Variants in SIRPD observed in about 807,000 individuals in gnomAD.
The protein encoded by SIRPD is signal regulatory protein delta.
Under a neutral mutation model 18.0 loss-of-function variants are expected in SIRPD, and 21 were observed. The ratio of observed to expected loss-of-function variants is 1.17; its 90% CI spans 0.83 to 1.68. The LOEUF is 1.68. Ranked by LOEUF, SIRPD falls within the 40% of genes most tolerant of loss-of-function variation. The pLI, the probability that SIRPD is intolerant of heterozygous loss-of-function variation, is 0.00. For synonymous variants in SIRPD, 106 were observed against 92.9 expected, an observed-to-expected ratio of 1.14 and a Z score of -0.81; for missense variants, 295 against 238.4, an observed-to-expected ratio of 1.24 and a Z score of -1.56.
At chr20:1,544,977 G>C (rs2090987505) in intron 2 of SIRPD, among the ~76,000 whole-genome samples, 1 of 152,198 alleles carries the variant, frequency 6.6e-6, no homozygotes, top group Admixed American at 6.5e-5. Flanking sequence ...TTTCTGAAGA[G>C]AGATCTGCTG....
chr20:1,551,907 C>T lies in SIRPD; in HGVS notation c.205G>A (p.Gly69Arg). Residue 69 changes from glycine (G) to arginine (R), a missense_variant, in exon 2 of 4, where the codon GGG becomes AGG. Transcript: ENST00000381623. ...TTGTAGATTAATTTCCGGTTTGGCC[C>T]TGTTCCCTTGAACCACAAGACAGGT... ...NGPVLWFKGT[G>R]PNRKLIYNFK... is the part of the protein sequence containing the mutation. The T allele has an allele frequency of 6.2e-7, 1 of 1,614,096 alleles. No homozygotes were observed. Among genetic ancestry groups the T allele is most frequent in the African/African-American group, 1.3e-5 (1 of 75,026 alleles).
chr20:1,557,236 G>A (rs1568672181), intron 1 of SIRPD, among the ~76,000 whole-genome samples: 1 of 152,106 alleles, frequency 6.6e-6, no homozygotes, highest in Non-Finnish European at 1.5e-5. Context: ...CTAGGTGACA[G>A]AGTGAGACCC....
intron 3 of SIRPD, among the ~76,000 whole-genome samples, chr20:1,536,197 AG>A (rs1286717159): frequency 6.6e-6 from 1 of 152,242 alleles, no homozygotes; most frequent in East Asian, 1.9e-4. Flanking sequence ...GAGCTCACAT[AG>A]GTGGTTCTGT....
In SIRPD at chr20:1,537,277, G is replaced by A. The variant is rs201160800; in HGVS notation, c.455C>T (p.Ala152Val). The part of the protein sequence containing the change: ...QNPRPPKNRP[A>V]GRAGSRAHHD... ...GTGGGCCCTGGAGCCTGCTCTGCCT[G>A]CAGGTCTGTTCTTGGGAGGTCTTGG... The change falls in exon 3 of 4, where the codon GCA (alanine) becomes GTA (valine). Residue 152 changes from alanine to valine, a missense_variant. By Grantham distance (64) the Ala-to-Val change is moderately conservative. Transcript: ENST00000381623. 4.0e-5 allele frequency: 65 copies of A among 1,614,158 alleles called. No homozygotes were observed. In the Admixed American group the frequency reaches 9.8e-4, roughly 24 times the overall value.
chr20:1,536,394 G>A (rs945262695), intron 3 of SIRPD, among the ~76,000 whole-genome samples: 8 of 103,602 alleles, frequency 7.7e-5, no homozygotes, highest in South Asian at 3.5e-4. Context: ...TTTGAACCCC[G>A]GCCTGTCGTT....
chr20:1,545,245 T>A (rs1436299681), intron 2 of SIRPD, among the ~76,000 whole-genome samples: 2 of 152,230 alleles, frequency 1.3e-5, no homozygotes, highest in East Asian at 3.8e-4. Context: ...TCACTTTAGG[T>A]ACACCAATCA....
At position 1,551,694 on chromosome 20, in the gene SIRPD, T is replaced by A; in HGVS notation, c.418A>T (p.Thr140Ser). ...QSGRGTQVFV[T>S]EQNPRPPKNR... ...GGGGTATAGGAGACATACTCACCAG[T>A]AACAAACACCTGAGTGCCCCGACCT... is the stretch of plus-strand genomic sequence containing the variant. Residue 140 changes from threonine to serine, a missense_variant, in exon 2 of 4, where the codon ACT becomes TCT. By Grantham distance (58) the Thr-to-Ser change is moderately conservative (BLOSUM62 1). Coordinates refer to ENST00000381623, the MANE Select transcript of SIRPD (RefSeq NM_178460.3). 1 of 1,611,008 alleles carries A rather than the reference T, an allele frequency of 6.2e-7. No individual in the cohort carries two copies. Among genetic ancestry groups the A allele is most frequent in the Non-Finnish European group, 8.5e-7 (1 of 1,177,900 alleles).
chr20:1,550,744 A>G (rs753855176), intron 2 of SIRPD, among the ~76,000 whole-genome samples: 1 of 152,102 alleles, frequency 6.6e-6, no homozygotes, highest in African/African-American at 2.4e-5. Flanking sequence ...TTTATTCCCT[A>G]CTATGTACAC....
At chr20:1,537,084 G>T in intron 3 of SIRPD, 71 bp downstream of exon 3, 1 of 1,559,056 alleles carries the variant, frequency 6.4e-7, no homozygotes, top group Admixed American at 1.8e-5. Flanking sequence ...ACTGCAGGTG[G>T]CGAAATGGTA....
chr20:1,556,857 A>T (rs2123160796), intron 1 of SIRPD, among the ~76,000 whole-genome samples: 1 of 152,358 alleles, frequency 6.6e-6, no homozygotes, highest in Admixed American at 6.5e-5. Flanking sequence ...GAGAAAATTA[A>T]TTTCTGTAAT....
rs1175732330 is a variant in SIRPD at position 1,534,482 on chromosome 20, C to T, written c.578-41G>A. ...AATAAAATAAAATAAAACATTTCTC[C>T]CTCCTGCAAGCTAAGAGCAGACACA... On this transcript the variant is annotated intron_variant, in intron 3 of 3. Coordinates refer to ENST00000381623, the MANE Select transcript of SIRPD (RefSeq NM_178460.3). The T allele has an allele frequency of 2.6e-6, 4 of 1,564,642 alleles. No homozygotes were observed. The Admixed American group carries it at 6.9e-5, about 27-fold the overall frequency.
chr20:1,545,754 T>C (rs936768626), intron 2 of SIRPD, among the ~76,000 whole-genome samples: 1 of 152,208 alleles, frequency 6.6e-6, no homozygotes. Flanking sequence ...TTTCATGGAT[T>C]TATCTACCTT....
intron 2 of SIRPD, among the ~76,000 whole-genome samples, chr20:1,538,972 G>A (rs2123117718): frequency 6.6e-6 from 1 of 152,314 alleles, no homozygotes; most frequent in East Asian, 1.9e-4. Flanking sequence ...CTATGCAGCA[G>A]TAGTAACTAG....
Position 1,557,487 on chromosome 20 carries a change from C to T in SIRPD, c.73+94G>A, listed in dbSNP as rs2091046604. The T allele has an allele frequency of 5.1e-6, 6 of 1,167,192 alleles. No homozygotes were observed. The South Asian group carries it at 1.3e-4, about 26-fold the overall frequency. 72.3% of individuals were successfully genotyped at this position (1,167,192 alleles called of 1,614,324 possible). A position where few individuals can be genotyped will look rare whatever the true frequency, so the allele number is the denominator to read the frequency against. On this transcript the variant is annotated intron_variant, in intron 1 of 3. Coordinates refer to ENST00000381623, the MANE Select transcript of SIRPD (RefSeq NM_178460.3). The stretch of plus-strand genomic sequence containing the variant: ...TCTGGGATAAGATGGAGAAAACCCT[C>T]CCAAAAGAAATTCTATGGGAACAGG...
chr20:1,535,884 A>G (rs2090943100), intron 3 of SIRPD, among the ~76,000 whole-genome samples: 1 of 152,180 alleles, frequency 6.6e-6, no homozygotes, highest in Admixed American at 6.5e-5. Context: ...AACACTCAGG[A>G]CTGTGCTCAT....
At chr20:1,536,777 G>T (rs894757076) in intron 3 of SIRPD, among the ~76,000 whole-genome samples, 4 of 152,104 alleles carry the variant, frequency 2.6e-5, no homozygotes, top group African/African-American at 9.7e-5. Context: ...GGACCAAGGG[G>T]TCAAATGCTG....
chr20:1,553,621 C>A (rs1443207128), intron 1 of SIRPD, among the ~76,000 whole-genome samples: 1 of 152,158 alleles, frequency 6.6e-6, no homozygotes, highest in Non-Finnish European at 1.5e-5. Context: ...GTTTTCTTAC[C>A]ATTTAGGCCA....
intron 2 of SIRPD, among the ~76,000 whole-genome samples, chr20:1,551,129 G>A (rs560063962): frequency 1.3e-5 from 2 of 152,302 alleles, no homozygotes; most frequent in East Asian, 1.9e-4. Flanking sequence ...CATTATTAGA[G>A]GTCCAGAGGT....
chr20:1,553,092 C>A (rs1329207091), intron 1 of SIRPD, among the ~76,000 whole-genome samples: 1 of 152,176 alleles, frequency 6.6e-6, no homozygotes, highest in Non-Finnish European at 1.5e-5. Context: ...ATGGAAGTCT[C>A]AGGACAGACC....
Sources: gnomAD v4.1 joint callset for allele counts (sites outside exome capture counted in the v4.1 genomes callset) on GRCh38, gnomAD v4.1.1 for gene constraint, MANE v1.5 for transcripts, NCBI Gene and HGNC (gene_info 2026-07-23, HGNC 2026-07-21) for gene names.